CCDC125: variants seen among roughly 807,000 people sequenced by gnomAD.
CCDC125 encodes coiled-coil domain-containing protein 125.
A neutral mutation model predicts 57.4 loss-of-function variants in CCDC125; 43 were observed. The observed-to-expected ratio is 0.75, with a 90% CI of 0.59 to 0.97. The LOEUF (loss-of-function observed/expected upper bound fraction) is 0.97. Among genes scored for constraint, CCDC125 ranks in the 50% least tolerant of loss-of-function variants. The probability of loss-of-function intolerance (pLI) is 0.00; values close to 1 mark genes in which losing one functional copy is unlikely to be tolerated. For synonymous variants in CCDC125, 187 were observed against 195.2 expected (o/e 0.96, Z 0.35); for missense variants, 563 against 595.7 (o/e 0.95, Z 0.57).
intron 11 of CCDC125, among the ~76,000 whole-genome samples, chr5:69,283,851 A>G (rs1047173314): frequency 6.7e-6 from 1 of 149,032 alleles, no homozygotes; most frequent in African/African-American, 2.5e-5. Flanking sequence ...GTGCAGTTGC[A>G]TGATCTTGGC....
chr5:69,276,760 G>T, downstream of CCDC125: 1 of 1,314,540 alleles, frequency 7.6e-7, no homozygotes, highest in South Asian at 1.3e-5. Flanking sequence ...TATGGCTAGC[G>T]ACTGAACAAC....
downstream of CCDC125, among the ~76,000 whole-genome samples, chr5:69,278,074 A>T (rs1225891880): frequency 6.6e-6 from 1 of 151,982 alleles, no homozygotes; most frequent in Admixed American, 6.6e-5. Flanking sequence ...TAGAGACAGG[A>T]TTTCACCATG....
At chr5:69,301,924 T>G (rs181452033) in intron 7 of CCDC125, among the ~76,000 whole-genome samples, 226 of 137,080 alleles carry the variant, frequency 1.6e-3, no homozygotes, top group Non-Finnish European at 2.9e-3. Flanking sequence ...AATAATAATA[T>G]ATTTTTTAAT....
chr5:69,320,098 G>A (rs181448783), intron 2 of CCDC125, 139 bp downstream of exon 2: 4 of 839,682 alleles, frequency 4.8e-6, no homozygotes, highest in Admixed American at 5.1e-5. Context: ...ACTCCAGCCT[G>A]GGTGACAGAG....
rs959488208 is a variant in CCDC125 at position 69,283,363 on chromosome 5, G to T, written c.1231-329C>A. 6.6e-5 allele frequency among the ~76,000 whole-genome samples: 10 copies of T among 151,336 alleles called. 1 individual carries two copies. The highest frequency in any genetic ancestry group is 2.4e-4 in the African/African-American group (10 of 41,210). ...GCCTCCCAAGTAGCTGGGACCACAG[G>T]TGCCCGCCACCACACCCAGCTAATT... is the stretch of plus-strand genomic sequence containing the variant. On this transcript the variant is annotated intron_variant, in intron 11 of 11. Coordinates refer to ENST00000396496, the MANE Select transcript of CCDC125 (RefSeq NM_176816.5).
Position 69,330,950 on chromosome 5 carries a change from C to T in CCDC125, c.-41+1699G>A, listed in dbSNP as rs73772384. 6.5e-3 allele frequency among the ~76,000 whole-genome samples: 993 copies of T among 152,204 alleles called. 8 individuals are homozygous for T. The highest frequency in any genetic ancestry group is 0.023 in the African/African-American group (941 of 41,538). ...ATGATGTCTCTCTCTTGCTGTAAAA[C>T]ATTCCATGGCTCCCATGGCATGTAT... On this transcript the variant is annotated intron_variant, in intron 1 of 11. Transcript: ENST00000396496.
chr5:69,278,703 C>CTTTTT (rs34258569), downstream of CCDC125, among the ~76,000 whole-genome samples: 63 of 108,120 alleles, frequency 5.8e-4, 2 homozygotes, highest in African/African-American at 1.6e-3. Context: ...TCTCTCTCTC[C>CTTTTT]TTTTTTTTTT....
At chr5:69,303,986 A>C in intron 6 of CCDC125, 57 bp from the exon 7 acceptor site, 2 of 967,646 alleles carry the variant, frequency 2.1e-6, no homozygotes, top group South Asian at 1.6e-5. Context: ...GCTGAGCGAG[A>C]ATATTTTTAT....
downstream of CCDC125, among the ~76,000 whole-genome samples, chr5:69,279,353 C>T (rs1162965051): frequency 6.6e-6 from 1 of 151,978 alleles, no homozygotes; most frequent in Admixed American, 6.6e-5. Flanking sequence ...CCCGCCACCA[C>T]GCCCAGCTAA....
intron 1 of CCDC125, among the ~76,000 whole-genome samples, chr5:69,327,458 C>A (rs1305812053): frequency 6.6e-6 from 1 of 152,196 alleles, no homozygotes; most frequent in Non-Finnish European, 1.5e-5. Flanking sequence ...TTAAACTTCA[C>A]TTTTGAAACA....
At chr5:69,312,148 G>A (rs540482479) in intron 3 of CCDC125, among the ~76,000 whole-genome samples, 1 of 152,238 alleles carries the variant, frequency 6.6e-6, no homozygotes, top group Admixed American at 6.5e-5. Context: ...TATAAATTGA[G>A]GGAAATTTGG....
chr5:69,314,481 A>T (rs965065807), intron 2 of CCDC125, among the ~76,000 whole-genome samples: 1 of 152,044 alleles, frequency 6.6e-6, no homozygotes, highest in African/African-American at 2.4e-5. Context: ...AAAAATTATA[A>T]CAGACCAAAT....
chr5:69,294,982 T>A, intron 8 of CCDC125, 82 bp from the exon 9 acceptor site: 3 of 1,148,054 alleles, frequency 2.6e-6, no homozygotes, highest in Non-Finnish European at 1.3e-6. Flanking sequence ...TTTACACACA[T>A]ACCCATGCAC....
intron 6 of CCDC125, among the ~76,000 whole-genome samples, chr5:69,305,185 C>T (rs1757137587): frequency 6.6e-6 from 1 of 152,068 alleles, no homozygotes; most frequent in Non-Finnish European, 1.5e-5. Flanking sequence ...GGCGTACATA[C>T]ATAACATGGA....
intron 1 of CCDC125, among the ~76,000 whole-genome samples, chr5:69,328,415 T>C (rs1044947436): frequency 9.9e-5 from 15 of 152,182 alleles, no homozygotes; most frequent in Admixed American, 5.9e-4. Flanking sequence ...ATTAGAGTTA[T>C]AGTGTATTTA....
chr5:69,283,695 G>A (rs1752826964), intron 11 of CCDC125, among the ~76,000 whole-genome samples: 1 of 149,510 alleles, frequency 6.7e-6, no homozygotes, highest in South Asian at 2.1e-4. Flanking sequence ...GCTAATTTTT[G>A]TAGGCTGGTC....
intron 1 of CCDC125, among the ~76,000 whole-genome samples, chr5:69,327,924 C>G (rs543062773): frequency 6.6e-6 from 1 of 152,034 alleles, no homozygotes; most frequent in Non-Finnish European, 1.5e-5. Context: ...TAAAAGTGTC[C>G]TTTTGGTTTT....
At chr5:69,286,188 C>CATA (rs1491467969) in intron 10 of CCDC125, among the ~76,000 whole-genome samples, 19 of 51,340 alleles carry the variant, frequency 3.7e-4, no homozygotes, top group African/African-American at 1.5e-3. Context: ...AAATGGTAAA[C>CATA]TATATATATA....
At chr5:69,307,918 A>T in intron 5 of CCDC125, 33 bp downstream of exon 5, 1 of 1,518,030 alleles carries the variant, frequency 6.6e-7, no homozygotes, top group Non-Finnish European at 9.1e-7. Flanking sequence ...AGCTTATTGG[A>T]TTCAATAAGT....
Sources: allele counts gnomAD v4.1 joint callset (sites outside exome capture counted in the v4.1 genomes callset), GRCh38; gene constraint gnomAD v4.1.1; transcripts MANE v1.5; gene names NCBI Gene and HGNC (gene_info 2026-07-23, HGNC 2026-07-21).